Variants in OTUB2 observed in about 807,000 individuals in gnomAD.
The protein encoded by OTUB2 is ubiquitin thioesterase OTUB2.
OTUB2 carries 21 observed loss-of-function variants against 25.1 expected under a neutral mutation model. The ratio of observed to expected loss-of-function variants is 0.84; its 90% CI spans 0.59 to 1.21. The LOEUF is 1.21. Among genes scored for constraint, OTUB2 ranks in the 50% most tolerant of loss-of-function variants. The pLI is 0.00. For synonymous variants in OTUB2, 122 were observed against 122.8 expected, an observed-to-expected ratio of 0.99 and a Z score of 0.04; for missense variants, 283 against 298.0, an observed-to-expected ratio of 0.95 and a Z score of 0.37.
intron 1 of OTUB2, among the ~76,000 whole-genome samples, chr14:94,036,274 G>A (rs1239795989): frequency 6.6e-6 from 1 of 152,112 alleles, no homozygotes; most frequent in Non-Finnish European, 1.5e-5. Flanking sequence ...AACAATGATG[G>A]TGATAAATGA....
rs1191733871 is a variant in OTUB2 at position 94,041,071 on chromosome 14, A to G, written c.218+1990A>G. Among the ~76,000 whole-genome samples the G allele has an allele frequency of 2.6e-5, 4 of 152,200 alleles. No individual in the cohort carries two copies. The East Asian group carries it at 7.7e-4, about 29-fold the overall frequency. Reference sequence around the variant, plus strand: ...GGGAGATGTGGTCGGGGAGAGATCCAGAGGGGAGATGGCTGTGGCATGAGC... The same window carrying G: ...GGGAGATGTGGTCGGGGAGAGATCCGGAGGGGAGATGGCTGTGGCATGAGC... On this transcript the variant is annotated intron_variant, in intron 3 of 5. Coordinates refer to ENST00000203664, the MANE Select transcript of OTUB2 (RefSeq NM_023112.4).
intron 1 of OTUB2, among the ~76,000 whole-genome samples, chr14:94,035,321 G>T (rs370713902): frequency 1.7e-5 from 2 of 117,448 alleles, no homozygotes; most frequent in Non-Finnish European, 1.6e-5. Flanking sequence ...ACAGAGTCTC[G>T]CTCTGTCACC....
chr14:94,031,683 C>T (rs892142153), intron 1 of OTUB2, among the ~76,000 whole-genome samples: 2 of 152,178 alleles, frequency 1.3e-5, no homozygotes, highest in Admixed American at 6.5e-5. Context: ...CACGTCCTTG[C>T]GCTTTCTGCT....
chr14:94,029,028 G>A (rs913500527), intron 1 of OTUB2, among the ~76,000 whole-genome samples: 2 of 152,160 alleles, frequency 1.3e-5, no homozygotes, highest in South Asian at 2.1e-4. Flanking sequence ...GGAGATTGAG[G>A]GAGGCAGGGA....
At chr14:94,032,237 G>T (rs1196751868) in intron 1 of OTUB2, among the ~76,000 whole-genome samples, 3 of 152,138 alleles carry the variant, frequency 2.0e-5, no homozygotes, top group African/African-American at 7.2e-5. Flanking sequence ...CTAGCCCAAG[G>T]TTCCATCACC....
At chr14:94,037,993 G>A (rs1003652985) in intron 2 of OTUB2, among the ~76,000 whole-genome samples, 2 of 152,260 alleles carry the variant, frequency 1.3e-5, no homozygotes, top group Non-Finnish European at 2.9e-5. Context: ...GAGGAGCTGG[G>A]TGCCCACTCT....
rs11622635 is a variant in OTUB2, at chr14:94,048,555, A to T, written c.*2633A>T. On this transcript the variant is annotated 3_prime_UTR_variant, in exon 6 of 6. Transcript: ENST00000203664. The stretch of plus-strand genomic sequence containing the variant: ...GGCAACAATACCTATGTGTCACTGG[A>T]TTATTGGTTAAAACAGAATGAGATT... The T allele has an allele frequency of 0.079, 12,055 of 152,232 alleles. 507 individuals are homozygous for T. Among genetic ancestry groups the T allele is most frequent in the Middle Eastern group, 0.19 (56 of 294 alleles). The allele number at this position is 152,232 out of a possible 1,614,324, so 9.4% of individuals were successfully genotyped here.
In OTUB2 at chr14:94,045,827, AACC is replaced by A; in HGVS notation, c.616_618del (p.His206del). On this transcript the variant is annotated inframe_deletion, in exon 6 of 6. Coordinates refer to ENST00000203664, the MANE Select transcript of OTUB2 (RefSeq NM_023112.4). Reference sequence around the variant, plus strand: ...CGTGGACGAGATGGATACCGCCCTGAACCACCACGTGTTCCCTGAGGCCGCCAC... The same window carrying A: ...CGTGGACGAGATGGATACCGCCCTGAACCACGTGTTCCCTGAGGCCGCCAC... 6.2e-7 allele frequency: 1 copy of A among 1,614,194 alleles called. No individual in the cohort carries two copies. Among genetic ancestry groups the A allele is most frequent in the Non-Finnish European group, 8.5e-7 (1 of 1,180,038 alleles).
intron 1 of OTUB2, among the ~76,000 whole-genome samples, chr14:94,036,783 A>G (rs1424473467): frequency 6.6e-6 from 1 of 152,010 alleles, no homozygotes; most frequent in Non-Finnish European, 1.5e-5. Context: ...GTGCTCCCCG[A>G]GCTCAGATCT....
chr14:94,036,148 G>A (rs1240485235), intron 1 of OTUB2, among the ~76,000 whole-genome samples: 2 of 152,188 alleles, frequency 1.3e-5, no homozygotes, highest in Non-Finnish European at 2.9e-5. Context: ...GCTCCTCTCT[G>A]AGCAGGATGG....
In OTUB2 at chr14:94,041,268, G is replaced by C. The variant is rs1885156464; in HGVS notation, c.218+2187G>C. Among the ~76,000 whole-genome samples, 2 of 152,170 alleles carry C rather than the reference G, an allele frequency of 1.3e-5. 1 individual carries two copies. The highest frequency in any genetic ancestry group is 4.1e-4 in the South Asian group (2 of 4,820). On this transcript the variant is annotated intron_variant, in intron 3 of 5. Coordinates refer to ENST00000203664, the MANE Select transcript of OTUB2 (RefSeq NM_023112.4). The stretch of plus-strand genomic sequence containing the variant: ...AAGCCGTTTGCTGCAAAGGAGGGCT[G>C]AGGAATATCAGGAGCTGTGTTTTGC...
chr14:94,038,823 G>C, intron 2 of OTUB2, 140 bp from the exon 3 acceptor site: 3 of 795,046 alleles, frequency 3.8e-6, no homozygotes, highest in Non-Finnish European at 6.8e-6. Context: ...ACGAGGGTGG[G>C]AGGCTGAGGG....
At chr14:94,035,286 CTT>C (rs761154708) in intron 1 of OTUB2, among the ~76,000 whole-genome samples, 30,370 of 102,512 alleles carry the variant, frequency 0.3, 2,065 homozygotes, top group Admixed American at 0.32. Flanking sequence ...TTTTTCTTTT[CTT>C]TTTTTTTTTT....
In OTUB2 at chr14:94,046,392, T is replaced by G. The variant is rs958839173; in HGVS notation, c.*470T>G. On this transcript the variant is annotated 3_prime_UTR_variant, in exon 6 of 6. Transcript: ENST00000203664. Reference sequence around the variant, plus strand: ...AGTCCAGTCCAGTCACTTGTTGGACTGGGCTCTGACAGATGGCCTATTGAG... The same window carrying G: ...AGTCCAGTCCAGTCACTTGTTGGACGGGGCTCTGACAGATGGCCTATTGAG... 3 of 185,072 alleles carry G rather than the reference T, an allele frequency of 1.6e-5. No individual in the cohort carries two copies. The highest frequency in any genetic ancestry group is 7.0e-5 in the African/African-American group (3 of 43,148). 11.5% of individuals were successfully genotyped at this position (185,072 alleles called of 1,614,324 possible). A position where few individuals can be genotyped will look rare whatever the true frequency, so the allele number is the denominator to read the frequency against.
chr14:94,044,014 G>A lies in OTUB2; in HGVS notation c.262G>A (p.Ala88Thr). The A allele has an allele frequency of 6.2e-7, 1 of 1,614,220 alleles. No homozygotes were observed. Among genetic ancestry groups the A allele is most frequent in the Non-Finnish European group, 8.5e-7 (1 of 1,180,030 alleles). The change falls in exon 4 of 6, where the codon GCT (alanine) becomes ACT (threonine). Residue 88 changes from alanine (A) to threonine (T), a missense_variant. Physicochemically the swap from Ala to Thr is moderately conservative, Grantham distance 58. Coordinates refer to ENST00000203664, the MANE Select transcript of OTUB2 (RefSeq NM_023112.4). ...VLQTPNDLLA[A>T]GFEEHKFRNF... ...GCAGACCCCAAATGACCTTCTGGCTGCTGGCTTTGAGGAGCACAAGTTCAG... is the reference window on the plus strand; with the variant it reads ...GCAGACCCCAAATGACCTTCTGGCTACTGGCTTTGAGGAGCACAAGTTCAG...
At chr14:94,032,157 G>A (rs1185755281) in intron 1 of OTUB2, among the ~76,000 whole-genome samples, 1 of 152,098 alleles carries the variant, frequency 6.6e-6, no homozygotes, top group Non-Finnish European at 1.5e-5. Context: ...GGACTTGAAG[G>A]GCCAAAGCGA....
intron 3 of OTUB2, among the ~76,000 whole-genome samples, chr14:94,040,158 C>G (rs1885133073): frequency 6.6e-6 from 1 of 152,186 alleles, no homozygotes; most frequent in Admixed American, 6.5e-5. Flanking sequence ...TAGGTTAAGG[C>G]CATCGTCTCC....
rs1885079683 is a variant in OTUB2, at chr14:94,037,480, G to A, written c.99+5G>A. 1 of 1,571,984 alleles carries A rather than the reference G, an allele frequency of 6.4e-7. No individual in the cohort carries two copies. Among genetic ancestry groups the A allele is most frequent in the African/African-American group, 1.4e-5 (1 of 73,966 alleles). On this transcript the variant is annotated splice_donor_5th_base_variant and intron_variant, in intron 2 of 5. Coordinates refer to ENST00000203664, the MANE Select transcript of OTUB2 (RefSeq NM_023112.4). The stretch of plus-strand genomic sequence containing the variant: ...ATTTACCGGAGGAAAATCGAGGTGA[G>A]GCAGAGGGCAGGGAGAAGAGCATCC...
In OTUB2 at chr14:94,048,899, A is replaced by G. The variant is rs920229860; in HGVS notation, c.*2977A>G. On this transcript the variant is annotated 3_prime_UTR_variant, in exon 6 of 6. Transcript: ENST00000203664. ...CAGCTTCCCTAGGCAGTAAGTAAAAACATTCTCCTAGCATTAAAATGGTTT... is the reference window on the plus strand; with the variant it reads ...CAGCTTCCCTAGGCAGTAAGTAAAAGCATTCTCCTAGCATTAAAATGGTTT... The G allele has an allele frequency of 6.6e-6, 1 of 152,244 alleles. No individual in the cohort carries two copies. Among genetic ancestry groups the G allele is most frequent in the Non-Finnish European group, 1.5e-5 (1 of 68,052 alleles). 9.4% of individuals were successfully genotyped at this position (152,244 alleles called of 1,614,324 possible).
Sources: gnomAD v4.1 joint callset for allele counts (sites outside exome capture counted in the v4.1 genomes callset) on GRCh38, gnomAD v4.1.1 for gene constraint, MANE v1.5 for transcripts, NCBI Gene and HGNC (gene_info 2026-07-23, HGNC 2026-07-21) for gene names.